PPP6C: variants seen among roughly 807,000 people sequenced by gnomAD.
PPP6C encodes serine/threonine-protein phosphatase 6 catalytic subunit.
A neutral mutation model predicts 39.8 loss-of-function variants in PPP6C; 11 were observed. The ratio of observed to expected loss-of-function variants is 0.28; its 90% CI spans 0.17 to 0.46. The LOEUF (loss-of-function observed/expected upper bound fraction) is 0.46. Among genes scored for constraint, PPP6C ranks in the 20% least tolerant of loss-of-function variants. PPP6C has a pLI of 1.00. For synonymous variants in PPP6C, 129 were observed against 130.3 expected, an observed-to-expected ratio of 0.99 and a Z score of 0.07; for missense variants, 211 against 373.9, an observed-to-expected ratio of 0.56 and a Z score of 3.59.
chr9:125,151,686 G>A (rs1835947084), intron 6 of PPP6C: 1 of 434,938 alleles, frequency 2.3e-6, no homozygotes, highest in African/African-American at 2.1e-5. Context: ...GACCCAGCTT[G>A]CTCCAGTGTA....
Position 125,172,394 on chromosome 9 carries a change from T to C in PPP6C, c.76-1214A>G, listed in dbSNP as rs181424267. Among the ~76,000 whole-genome samples the C allele has an allele frequency of 2.0e-5, 3 of 152,108 alleles. No individual in the cohort carries two copies. In the East Asian group the frequency reaches 5.8e-4, roughly 29 times the overall value. The stretch of plus-strand genomic sequence containing the variant: ...CATGCCCAGCTAATTTTTGTATTCT[T>C]AGTAGTTTCACCATGTTGGTCAGGC... On this transcript the variant is annotated intron_variant, in intron 1 of 6. Coordinates refer to ENST00000373547, the MANE Select transcript of PPP6C (RefSeq NM_002721.5).
At chr9:125,172,729 AC>A (rs1829200861) in intron 1 of PPP6C, among the ~76,000 whole-genome samples, 1 of 137,256 alleles carries the variant, frequency 7.3e-6, no homozygotes, top group South Asian at 2.1e-4. Context: ...AAACACACAC[AC>A]ACACACACAC....
chr9:125,149,689 G>A lies in PPP6C; in HGVS notation c.902C>T (p.Thr301Met), dbSNP rs768855518. The change falls in exon 7 of 7, where the codon ACG becomes ATG. Residue 301 changes from threonine to methionine, a missense_variant. Physicochemically the swap from Thr to Met is moderately conservative, Grantham distance 81. Around this residue, in one of 2 missense-constraint regions of PPP6C, gnomAD observed 168 missense variants for 342.6 expected, o/e 0.49. Coordinates refer to ENST00000373547, the MANE Select transcript of PPP6C (RefSeq NM_002721.5). ...GCGAAGGCCTCAAAGGAAATATGGC[G>A]TTGTCGTTCTGGGAGGAATAACACG... is the stretch of plus-strand genomic sequence containing the variant. ...SERVIPPRTT[T>M]PYFL The A allele has an allele frequency of 1.1e-5, 18 of 1,614,008 alleles. No homozygotes were observed. The highest frequency in any genetic ancestry group is 4.5e-5 in the East Asian group (2 of 44,880).
rs1168730026 is a variant in PPP6C at position 125,186,938 on chromosome 9, C to CTTTTTTT, written c.75+2699_75+2705dup. The stretch of plus-strand genomic sequence containing the variant: ...AAAGAAGTCCAACAGATTTTTCTTT[C>CTTTTTTT]TTTTTTTTTTTTTTTTTTTTTTTGG... On this transcript the variant is annotated intron_variant, in intron 1 of 6. Coordinates refer to ENST00000373547, the MANE Select transcript of PPP6C (RefSeq NM_002721.5). 9.6e-3 allele frequency among the ~76,000 whole-genome samples: 803 copies of CTTTTTTT among 83,584 alleles called. 13 individuals are homozygous for CTTTTTTT. Among genetic ancestry groups the CTTTTTTT allele is most frequent in the East Asian group, 0.015 (38 of 2,494 alleles). The allele number at this position is 83,584 out of a possible 152,430, so 54.8% of individuals were successfully genotyped here.
intron 6 of PPP6C, chr9:125,151,258 G>A (rs574493775): frequency 2.1e-5 from 31 of 1,501,680 alleles, no homozygotes; most frequent in Admixed American, 1.0e-4. Flanking sequence ...TGGTGCTTGT[G>A]GGAGATGTGA....
chr9:125,150,851 G>C (rs1389857832), intron 6 of PPP6C: 19 of 783,530 alleles, frequency 2.4e-5, no homozygotes, highest in Non-Finnish European at 4.2e-5. Context: ...ACAATTTAAT[G>C]GTGCCTTTGA....
intron 2 of PPP6C, among the ~76,000 whole-genome samples, chr9:125,163,499 C>T (rs532412713): frequency 6.6e-5 from 10 of 152,270 alleles, no homozygotes; most frequent in Admixed American, 1.3e-4. Flanking sequence ...GGTGCGATCT[C>T]GGCTCACTGC....
intron 6 of PPP6C, among the ~76,000 whole-genome samples, chr9:125,150,321 G>C (rs886898503): frequency 6.6e-6 from 1 of 152,124 alleles, no homozygotes; most frequent in African/African-American, 2.4e-5. Context: ...CAAAAGCTCA[G>C]ACTAGATAAA....
chr9:125,186,995 G>GGACTGCAGTGGCGCAATCTTGGCT (rs1421149554), intron 1 of PPP6C, among the ~76,000 whole-genome samples: 4 of 132,190 alleles, frequency 3.0e-5, no homozygotes, highest in Non-Finnish European at 6.1e-5. Flanking sequence ...CACCCAGGCT[G>GGACTGCAGTGGCGCAATCTTGGCT]GACTGCAGTG....
chr9:125,150,421 GGT>G (rs113973939), intron 6 of PPP6C, among the ~76,000 whole-genome samples: 2,346 of 149,826 alleles, frequency 0.016, 106 homozygotes, highest in Admixed American at 0.083. Context: ...CAATATAAGG[GGT>G]GTGTGTGTGT....
intron 1 of PPP6C, among the ~76,000 whole-genome samples, chr9:125,185,690 T>C (rs985875500): frequency 7.2e-6 from 1 of 138,606 alleles, no homozygotes; most frequent in Admixed American, 7.5e-5. Flanking sequence ...CAAGACTCCG[T>C]CTCAAAAAAA....
chr9:125,153,492 T>C (rs777066563), intron 6 of PPP6C, 41 bp downstream of exon 6: 51 of 1,575,440 alleles, frequency 3.2e-5, no homozygotes, highest in Non-Finnish European at 4.0e-5. Context: ...TGCAGCCCAT[T>C]AGCAATCCAC....
At position 125,149,803 on chromosome 9, in the gene PPP6C, T is replaced by C. The variant is rs1265308226; in HGVS notation, c.788A>G (p.Tyr263Cys). 5.0e-6 allele frequency: 8 copies of C among 1,614,108 alleles called. No individual in the cohort carries two copies. The highest frequency in any genetic ancestry group is 1.3e-5 in the African/African-American group (1 of 74,944). ...GATCGAAGCAATATTTCCACAACGA[T>C]AGCAGTAATTAGGAGCAGACCATAC... ...VTVWSAPNYC[Y>C]RCGNIASIMV... Residue 263 changes from tyrosine to cysteine, a missense_variant, in exon 7 of 7, where the codon TAT (tyrosine) becomes TGT (cysteine). This residue lies in a region of PPP6C where 168 missense variants were observed against 342.6 expected (regional missense o/e 0.49). Coordinates refer to ENST00000373547, the MANE Select transcript of PPP6C (RefSeq NM_002721.5).
At chr9:125,178,784 C>G (rs985005062) in intron 1 of PPP6C, among the ~76,000 whole-genome samples, 1 of 152,214 alleles carries the variant, frequency 6.6e-6, no homozygotes, top group Non-Finnish European at 1.5e-5. Flanking sequence ...AGCCCTCCTG[C>G]AGCCAGCTTC....
At chr9:125,189,587 G>A (rs772628833) in intron 1 of PPP6C, 57 bp downstream of exon 1, 5 of 1,608,752 alleles carry the variant, frequency 3.1e-6, no homozygotes, top group East Asian at 2.2e-5. Flanking sequence ...GAGAAAGGAA[G>A]GGCCGGCCGG....
At position 125,147,094 on chromosome 9, in the gene PPP6C, T is replaced by A. The variant is rs1162474816; in HGVS notation, c.*2579A>T. On this transcript the variant is annotated 3_prime_UTR_variant, in exon 7 of 7. Coordinates refer to ENST00000373547, the MANE Select transcript of PPP6C (RefSeq NM_002721.5). ...ATATGAGATGTACTGTTGATCCAGG[T>A]GTTTTAGGATCACACTCAAATGAAT... 1 of 152,182 alleles carries A rather than the reference T, an allele frequency of 6.6e-6. No homozygotes were observed. The highest frequency in any genetic ancestry group is 1.5e-5 in the Non-Finnish European group (1 of 68,028). The allele number at this position is 152,182 out of a possible 1,614,324, so 9.4% of individuals were successfully genotyped here. A position where few individuals can be genotyped will look rare whatever the true frequency, so the allele number is the denominator to read the frequency against.
intron 2 of PPP6C, among the ~76,000 whole-genome samples, chr9:125,165,561 A>T (rs1828994355): frequency 3.3e-5 from 3 of 90,258 alleles, no homozygotes; most frequent in Admixed American, 2.2e-4. Flanking sequence ...GAACATGGCT[A>T]GTCTTAGAAC....
intron 2 of PPP6C, among the ~76,000 whole-genome samples, chr9:125,165,207 A>C (rs895956937): frequency 1.3e-5 from 2 of 152,180 alleles, no homozygotes; most frequent in African/African-American, 4.8e-5. Flanking sequence ...ATTAAAACTC[A>C]GAAGTTTTAA....
chr9:125,153,656 A>G lies in PPP6C; in HGVS notation c.546T>C (p.Asn182=), dbSNP rs1461868787. The change falls in exon 6 of 7, where the codon AAT becomes AAC. Residue 182 remains asparagine, a synonymous_variant. Coordinates refer to ENST00000373547, the MANE Select transcript of PPP6C (RefSeq NM_002721.5). ...ATGCTCCTTTATGAGGAATTTCCTG[A>G]TTCCGTTCGATGGTTCGAATTTGAT... The part of the protein sequence containing the change: ...TLDQIRTIER[N]QEIPHKGAFC... The G allele has an allele frequency of 6.2e-7, 1 of 1,614,208 alleles. No individual in the cohort carries two copies. The highest frequency in any genetic ancestry group is 1.7e-5 in the Admixed American group (1 of 60,020).
Sources: gnomAD v4.1 joint callset for allele counts (sites outside exome capture counted in the v4.1 genomes callset) on GRCh38, gnomAD v4.1.1 for gene constraint, gnomAD v4.1.1 regional missense constraint, MANE v1.5 for transcripts, NCBI Gene and HGNC (gene_info 2026-07-23, HGNC 2026-07-21) for gene names.